The following TTBK2 variants were observed in gnomAD, a reference collection of about 807,000 sequenced individuals.
TTBK2 encodes tau-tubulin kinase 2.
TTBK2 carries 28 observed loss-of-function variants against 110.8 expected under a neutral mutation model. That is an observed-to-expected ratio of 0.25 (90% CI 0.19 to 0.35). The LOEUF is 0.35. Among genes scored for constraint, TTBK2 ranks in the 10% least tolerant of loss-of-function variants. The pLI, the probability that TTBK2 is intolerant of heterozygous loss-of-function variation, is 1.00. For missense variants in TTBK2, 1,369 were observed against 1,500.3 expected, an observed-to-expected ratio of 0.91 and a Z score of 1.45; for synonymous variants, 532 against 527.3, an observed-to-expected ratio of 1.01 and a Z score of -0.12.
chr15:42,844,834 A>G (rs150589576), intron 3 of TTBK2, among the ~76,000 whole-genome samples: 79 of 152,328 alleles, frequency 5.2e-4, no homozygotes, highest in African/African-American at 1.8e-3. Context: ...CACCTTGTCT[A>G]TAAGTATTAA....
chr15:42,754,384 TTTTTATTTTA>T (rs1166983139), intron 13 of TTBK2, among the ~76,000 whole-genome samples: 1 of 151,676 alleles, frequency 6.6e-6, no homozygotes, highest in Admixed American at 6.6e-5. Context: ...CCTGGCCAAT[TTTTTATTTTA>T]TTTTATTTTA....
chr15:42,825,055 T>C (rs1434252102), intron 6 of TTBK2, among the ~76,000 whole-genome samples: 1 of 151,976 alleles, frequency 6.6e-6, no homozygotes, highest in Non-Finnish European at 1.5e-5. Flanking sequence ...GAGGCTACAA[T>C]GGGTTTGATT....
chr15:42,836,009 C>T (rs1892970679), intron 4 of TTBK2, among the ~76,000 whole-genome samples: 1 of 152,066 alleles, frequency 6.6e-6, no homozygotes, highest in African/African-American at 2.4e-5. Context: ...CTGGTTACAG[C>T]ACTTGAAAAA....
intron 3 of TTBK2, among the ~76,000 whole-genome samples, chr15:42,846,914 G>A (rs906586978): frequency 5.3e-5 from 8 of 152,148 alleles, no homozygotes; most frequent in African/African-American, 1.4e-4. Context: ...TGCTGGGGGG[G>A]TGGCCTACCC....
At chr15:42,806,875 C>G (rs1451755973) in intron 9 of TTBK2, among the ~76,000 whole-genome samples, 3 of 151,628 alleles carry the variant, frequency 2.0e-5, no homozygotes, top group Non-Finnish European at 4.4e-5. Flanking sequence ...TATGTGTAGC[C>G]CAAGACAATT....
At chr15:42,801,484 C>T (rs1454871487) in intron 9 of TTBK2, 1 of 783,218 alleles carries the variant, frequency 1.3e-6, no homozygotes, top group East Asian at 2.5e-5. Context: ...TGTTCCGGTT[C>T]ATCTAGGAGA....
intron 13 of TTBK2, among the ~76,000 whole-genome samples, chr15:42,755,059 T>C (rs1247595640): frequency 6.8e-6 from 1 of 147,164 alleles, no homozygotes; most frequent in Non-Finnish European, 1.5e-5. Flanking sequence ...AGTGAAAATC[T>C]ACCCCCCTTC....
intron 9 of TTBK2, among the ~76,000 whole-genome samples, chr15:42,797,818 T>C (rs1447131765): frequency 6.6e-6 from 1 of 152,170 alleles, no homozygotes; most frequent in Admixed American, 6.5e-5. Flanking sequence ...TGTGTATATA[T>C]ATATATGTGT....
At chr15:42,769,963 G>A (rs1388702966) in intron 13 of TTBK2, among the ~76,000 whole-genome samples, 1 of 152,118 alleles carries the variant, frequency 6.6e-6, no homozygotes, top group Non-Finnish European at 1.5e-5. Context: ...GGACGTGGAT[G>A]CAGCTGGAAA....
intron 7 of TTBK2, among the ~76,000 whole-genome samples, chr15:42,816,118 A>G (rs865988628): frequency 0.028 from 2,902 of 104,138 alleles, 85 homozygotes; most frequent in African/African-American, 0.055. Context: ...ATATATATAT[A>G]TGTGTATATT....
chr15:42,914,280 C>G (rs772481073), intron 1 of TTBK2, among the ~76,000 whole-genome samples: 2 of 151,968 alleles, frequency 1.3e-5, no homozygotes, highest in Admixed American at 1.3e-4. Context: ...CTGGCCTTAA[C>G]TTCCTTTTTC....
intron 1 of TTBK2, among the ~76,000 whole-genome samples, chr15:42,903,200 A>G (rs2030175015): frequency 6.6e-6 from 1 of 152,156 alleles, no homozygotes; most frequent in Non-Finnish European, 1.5e-5. Flanking sequence ...ATATGATTCC[A>G]CTTATAATAG....
In TTBK2 at chr15:42,794,876, C is replaced by A. The variant is rs181953358; in HGVS notation, c.823-75G>T. On this transcript the variant is annotated intron_variant, in intron 9 of 14. Coordinates refer to ENST00000267890, the MANE Select transcript of TTBK2 (RefSeq NM_173500.4). ...CTTTATTCTATAAGAGAAAGCACACCAGACTCATAAAATGATTTTGTAATG... is the reference window on the plus strand; with the variant it reads ...CTTTATTCTATAAGAGAAAGCACACAAGACTCATAAAATGATTTTGTAATG... The A allele has an allele frequency of 3.5e-5, 55 of 1,575,670 alleles. No individual in the cohort carries two copies. In the East Asian group the frequency reaches 9.0e-4, roughly 26 times the overall value.
intron 13 of TTBK2, among the ~76,000 whole-genome samples, chr15:42,763,157 C>CAT (rs1567008803): frequency 0.12 from 2,441 of 20,382 alleles, 138 homozygotes; most frequent in Non-Finnish European, 0.14. Context: ...TATATATATA[C>CAT]ATATATATAT....
intron 2 of TTBK2, among the ~76,000 whole-genome samples, chr15:42,874,078 A>T (rs1193668815): frequency 6.6e-6 from 1 of 152,152 alleles, no homozygotes; most frequent in Admixed American, 6.5e-5. Flanking sequence ...GTATTTTTTA[A>T]ATTAAAGACC....
chr15:42,776,813 G>T, intron 12 of TTBK2: 1 of 605,882 alleles, frequency 1.7e-6, no homozygotes, highest in Non-Finnish European at 2.9e-6. Flanking sequence ...CAAAGCCAAA[G>T]GACATGCTAT....
chr15:42,858,583 G>A (rs1351352901), intron 3 of TTBK2, among the ~76,000 whole-genome samples: 4 of 152,262 alleles, frequency 2.6e-5, no homozygotes, highest in East Asian at 1.9e-4. Flanking sequence ...GAGGAACATG[G>A]AAGCTGCCAT....
intron 3 of TTBK2, among the ~76,000 whole-genome samples, chr15:42,866,240 C>A (rs1046081284): frequency 6.6e-6 from 1 of 151,782 alleles, no homozygotes; most frequent in Non-Finnish European, 1.5e-5. Context: ...GGGTTCAGGA[C>A]CAGCCTGAAC....
Position 42,745,062 on chromosome 15 carries a change from A to C in TTBK2, c.*733T>G, listed in dbSNP as rs2061773572. 6.5e-6 allele frequency: 1 copy of C among 154,178 alleles called. No homozygotes were observed. Among genetic ancestry groups the C allele is most frequent in the African/African-American group, 2.4e-5 (1 of 41,464 alleles). The allele number at this position is 154,178 out of a possible 1,614,324, so 9.6% of individuals were successfully genotyped here. On this transcript the variant is annotated 3_prime_UTR_variant, in exon 15 of 15. Transcript: ENST00000267890. ...TTTCTTTCCTTTACCTAACTTTCTT[A>C]TTTTTCATAATAAAAATGTAATATG...
Sources: gnomAD v4.1 joint callset for allele counts (sites outside exome capture counted in the v4.1 genomes callset) on GRCh38, gnomAD v4.1.1 for gene constraint, MANE v1.5 for transcripts, NCBI Gene and HGNC (gene_info 2026-07-23, HGNC 2026-07-21) for gene names.